The following NRF1 variants were observed in gnomAD, a reference collection of about 807,000 sequenced individuals.
The protein encoded by NRF1 is nuclear respiratory factor 1, also known as alpha palindromic-binding protein.
Under a neutral mutation model 58.5 loss-of-function variants are expected in NRF1, and 5 were observed. That is an observed-to-expected ratio of 0.09 (90% CI 0.04 to 0.18). The LOEUF (loss-of-function observed/expected upper bound fraction) is 0.18. NRF1 is among the 10% of genes least tolerant of loss of function. NRF1 has a pLI of 1.00. For missense variants in NRF1, 288 were observed against 657.7 expected (o/e 0.44, Z 6.15); for synonymous variants, 224 against 246.7 (o/e 0.91, Z 0.86).
intron 9 of NRF1, among the ~76,000 whole-genome samples, chr7:129,719,528 ACACACACACACACAC>A (rs1433202554): frequency 3.5e-5 from 3 of 86,044 alleles, no homozygotes; most frequent in Admixed American, 1.3e-4. Context: ...ACACACACAC[ACACACACACACACAC>A]AACACATCTT....
intron 5 of NRF1, among the ~76,000 whole-genome samples, chr7:129,691,358 A>ATTT (rs1297629849): frequency 1.4e-5 from 1 of 71,294 alleles, no homozygotes; most frequent in African/African-American, 4.9e-5. Context: ...ATTTATTATT[A>ATTT]TTATTATTTT....
chr7:129,729,632 C>T (rs1324479267), intron 10 of NRF1, among the ~76,000 whole-genome samples: 2 of 152,246 alleles, frequency 1.3e-5, no homozygotes, highest in Admixed American at 6.5e-5. Context: ...GAATGAATCT[C>T]ATATGGGATA....
At chr7:129,637,818 C>G (rs559315435) in intron 1 of NRF1, among the ~76,000 whole-genome samples, 1 of 152,064 alleles carries the variant, frequency 6.6e-6, no homozygotes, top group East Asian at 1.9e-4. Context: ...TAGCCCAACA[C>G]AAATTCATAA....
At chr7:129,672,136 G>C (rs1438653804) in intron 3 of NRF1, among the ~76,000 whole-genome samples, 6 of 151,690 alleles carry the variant, frequency 4.0e-5, no homozygotes, top group Admixed American at 2.6e-4. Flanking sequence ...AGTTGTGTTT[G>C]AGGAACAGCC....
intron 2 of NRF1, among the ~76,000 whole-genome samples, chr7:129,662,130 C>T (rs747472233): frequency 1.3e-5 from 2 of 151,322 alleles, no homozygotes; most frequent in African/African-American, 2.5e-5. Context: ...GATTCAGTTA[C>T]CTCCCACTAG....
intron 4 of NRF1, among the ~76,000 whole-genome samples, chr7:129,688,626 CA>C (rs1802494175): frequency 6.6e-6 from 1 of 151,918 alleles, no homozygotes. Context: ...AGGGAGGCTT[CA>C]GGAAACTTAA....
chr7:129,746,260 C>A (rs1584692553), intron 10 of NRF1, among the ~76,000 whole-genome samples: 1 of 152,330 alleles, frequency 6.6e-6, no homozygotes, highest in Non-Finnish European at 1.5e-5. Context: ...AATGCTTTTT[C>A]TCTTCCCCGT....
At chr7:129,624,124 G>A (rs145281605) in intron 1 of NRF1, among the ~76,000 whole-genome samples, 1 of 152,110 alleles carries the variant, frequency 6.6e-6, no homozygotes, top group Admixed American at 6.5e-5. Context: ...AGGGACATGA[G>A]CATCTGTGGA....
At chr7:129,737,963 C>G (rs1803757521) in intron 10 of NRF1, among the ~76,000 whole-genome samples, 1 of 152,170 alleles carries the variant, frequency 6.6e-6, no homozygotes, top group African/African-American at 2.4e-5. Context: ...GGATACAAGC[C>G]TCTCATCTTC....
intron 10 of NRF1, among the ~76,000 whole-genome samples, chr7:129,736,964 A>G (rs1483810843): frequency 2.0e-5 from 3 of 152,252 alleles, no homozygotes; most frequent in African/African-American, 4.8e-5. Flanking sequence ...TAGGATAATG[A>G]TAGTTCTGTA....
intron 1 of NRF1, among the ~76,000 whole-genome samples, chr7:129,654,886 G>A (rs1194074652): frequency 1.3e-5 from 2 of 152,192 alleles, no homozygotes; most frequent in South Asian, 2.1e-4. Context: ...TTAAAGTTGT[G>A]TGGTATCAGT....
At chr7:129,752,696 A>G (rs1383648323) in intron 10 of NRF1, among the ~76,000 whole-genome samples, 1 of 152,190 alleles carries the variant, frequency 6.6e-6, no homozygotes, top group African/African-American at 2.4e-5. Flanking sequence ...TATTTAAAAA[A>G]ATAAAAAATA....
At chr7:129,637,460 G>C (rs1031753912) in intron 1 of NRF1, among the ~76,000 whole-genome samples, 26 of 152,080 alleles carry the variant, frequency 1.7e-4, no homozygotes, top group Admixed American at 7.2e-4. Flanking sequence ...ACATAACAAT[G>C]GTTATAAAAG....
At position 129,652,684 on chromosome 7, in the gene NRF1, G is replaced by A. The variant is rs371357150; in HGVS notation, c.-6-4662G>A. ...CATCTCACTGCAAGCTCCGCCTTCC[G>A]GGTTCACGCCATTCTCCTACCTCAG... On this transcript the variant is annotated intron_variant, in intron 1 of 10. Coordinates refer to ENST00000393232, the MANE Select transcript of NRF1 (RefSeq NM_005011.5). 1.2e-4 allele frequency among the ~76,000 whole-genome samples: 19 copies of A among 152,226 alleles called. No homozygotes were observed. The East Asian group carries it at 1.9e-3, about 15-fold the overall frequency.
Position 129,611,738 on chromosome 7 carries a change from C to A in NRF1, c.-93C>A. 1 of 340,786 alleles carries A rather than the reference C, an allele frequency of 2.9e-6. No homozygotes were observed. Among genetic ancestry groups the A allele is most frequent in the South Asian group, 1.4e-4 (1 of 7,354 alleles). 21.1% of individuals were successfully genotyped at this position (340,786 alleles called of 1,614,324 possible). On this transcript the variant is annotated 5_prime_UTR_variant, in exon 1 of 11. Transcript: ENST00000393232. ...CGGCGGCAGAAGCGGCAGCGCTCGCCATTGCCGCTGGTGGCAGGAGGCTGC... is the reference window on the plus strand; with the variant it reads ...CGGCGGCAGAAGCGGCAGCGCTCGCAATTGCCGCTGGTGGCAGGAGGCTGC...
intron 1 of NRF1, among the ~76,000 whole-genome samples, chr7:129,641,451 C>G (rs1348478002): frequency 2.0e-5 from 3 of 152,132 alleles, no homozygotes; most frequent in African/African-American, 4.8e-5. Context: ...ACTCAACTTG[C>G]ATATTGTCTA....
chr7:129,670,248 A>G (rs1802016809), intron 2 of NRF1, among the ~76,000 whole-genome samples: 2 of 152,236 alleles, frequency 1.3e-5, no homozygotes, highest in Admixed American at 1.3e-4. Context: ...TAGCCGTACA[A>G]CATTGGGCTT....
chr7:129,690,562 TGAG>T lies in NRF1; in HGVS notation c.606+23_606+25del, dbSNP rs1481810979. The T allele has an allele frequency of 3.7e-6, 6 of 1,613,516 alleles. No individual in the cohort carries two copies. The Middle Eastern group carries it at 5.0e-4, about 133-fold the overall frequency. ...AATGACCCAGGTGAGGGGTGGGAGG[TGAG>T]GAGGAGACTCAAAGACAAGTGGCAC... On this transcript the variant is annotated intron_variant, in intron 5 of 10. Coordinates refer to ENST00000393232, the MANE Select transcript of NRF1 (RefSeq NM_005011.5).
chr7:129,753,720 T>C (rs1053706327), intron 10 of NRF1, among the ~76,000 whole-genome samples: 2 of 38,000 alleles, frequency 5.3e-5, no homozygotes, highest in Non-Finnish European at 1.2e-4. Flanking sequence ...AGGGAGTAGC[T>C]GGGGTCTTTT....
Sources: gnomAD v4.1 joint callset for allele counts (sites outside exome capture counted in the v4.1 genomes callset) on GRCh38, gnomAD v4.1.1 for gene constraint, MANE v1.5 for transcripts, NCBI Gene and HGNC (gene_info 2026-07-23, HGNC 2026-07-21) for gene names.